Variants in SLC44A1 observed in about 807,000 individuals in gnomAD.
SLC44A1 encodes solute carrier family 44 member 1, also known as choline transporter-like protein 1.
A neutral mutation model predicts 79.3 loss-of-function variants in SLC44A1; 26 were observed. The ratio of observed to expected loss-of-function variants is 0.33; its 90% CI spans 0.24 to 0.46. The LOEUF is 0.46. Among genes scored for constraint, SLC44A1 ranks in the 20% least tolerant of loss-of-function variants. The pLI is 1.00. For missense variants in SLC44A1, 688 were observed against 798.1 expected (o/e 0.86, Z 1.66); for synonymous variants, 263 against 286.2 (o/e 0.92, Z 0.82).
rs149085855 is a variant in SLC44A1 at position 105,423,321 on chromosome 9, G to A, written c.1951-14960G>A. Among the ~76,000 whole-genome samples, 1,063 of 152,122 alleles carry A rather than the reference G, an allele frequency of 7.0e-3. 22 individuals are homozygous for A. Among genetic ancestry groups the A allele is most frequent in the Admixed American group, 0.058 (892 of 15,252 alleles). On this transcript the variant is annotated intron_variant, in intron 15 of 15. Coordinates refer to the SLC44A1 transcript ENST00000374724. ...TCTACTAAAAATACAAAAATTAGGC[G>A]GGTATGGTGGCACATGTCTGTAATC...
At position 105,395,899 on chromosome 9, in the gene SLC44A1, T is replaced by C. The variant is rs1828866324; in HGVS notation, c.*6843T>C. 3 of 173,338 alleles carry C rather than the reference T, an allele frequency of 1.7e-5. No individual in the cohort carries two copies. In the South Asian group the frequency reaches 5.5e-4, roughly 32 times the overall value. The allele number at this position is 173,338 out of a possible 1,614,324, so 10.7% of individuals were successfully genotyped here. On this transcript the variant is annotated 3_prime_UTR_variant, in exon 16 of 16. Transcript: ENST00000374720. ...ACCATGTTGATAATCCGGTGGTGAC[T>C]TTTTTTTTTTTTTTGTAAATTGTAT...
intron 1 of SLC44A1, among the ~76,000 whole-genome samples, chr9:105,290,875 A>G (rs911077331): frequency 1.3e-5 from 2 of 152,234 alleles, no homozygotes; most frequent in African/African-American, 4.8e-5. Context: ...GTATCTTTCC[A>G]CGCAGTGTAT....
chr9:105,357,950 T>G (rs945178866), intron 6 of SLC44A1, among the ~76,000 whole-genome samples: 5 of 152,216 alleles, frequency 3.3e-5, no homozygotes, highest in African/African-American at 1.2e-4. Flanking sequence ...TTAACTGATC[T>G]CTGTCTATGT....
At chr9:105,308,595 G>A (rs544444337) in intron 2 of SLC44A1, among the ~76,000 whole-genome samples, 2 of 152,268 alleles carry the variant, frequency 1.3e-5, no homozygotes, top group South Asian at 2.1e-4. Context: ...TTTTGGGTAA[G>A]TATATTTAAA....
At chr9:105,407,731 G>C (rs1010456849) in intron 15 of SLC44A1, among the ~76,000 whole-genome samples, 1 of 151,410 alleles carries the variant, frequency 6.6e-6, no homozygotes, top group African/African-American at 2.4e-5. Context: ...TTAGCTGGGC[G>C]TGATGGCACA....
chr9:105,389,594 T>C lies in SLC44A1; in HGVS notation c.*538T>C. The C allele has an allele frequency of 8.7e-7, 1 of 1,147,190 alleles. No homozygotes were observed. The highest frequency in any genetic ancestry group is 1.1e-6 in the Non-Finnish European group (1 of 934,242). 71.1% of individuals were successfully genotyped at this position (1,147,190 alleles called of 1,614,324 possible). A position where few individuals can be genotyped will look rare whatever the true frequency, so the allele number is the denominator to read the frequency against. ...TCCCCAATCAAAGAAGCCATGTCAT[T>C]TTACTTTTAGAAACATACAATTGGG... On this transcript the variant is annotated 3_prime_UTR_variant, in exon 16 of 16. Transcript: ENST00000374720.
chr9:105,396,006 C>A lies in SLC44A1; in HGVS notation c.*6950C>A. On this transcript the variant is annotated 3_prime_UTR_variant, in exon 16 of 16. Coordinates refer to ENST00000374720, the MANE Select transcript of SLC44A1 (RefSeq NM_080546.5). ...AAACAGGGACTATTAAGTAGATTTT[C>A]CCCCATCCTCTAGGTTCCTGTAGTC... 1.0e-6 allele frequency: 1 copy of A among 983,300 alleles called. No individual in the cohort carries two copies. Among genetic ancestry groups the A allele is most frequent in the Non-Finnish European group, 1.2e-6 (1 of 829,508 alleles). 60.9% of individuals were successfully genotyped at this position (983,300 alleles called of 1,614,324 possible). A position where few individuals can be genotyped will look rare whatever the true frequency, so the allele number is the denominator to read the frequency against.
chr9:105,309,459 A>G (rs779368528), intron 2 of SLC44A1, among the ~76,000 whole-genome samples: 45 of 152,128 alleles, frequency 3.0e-4, no homozygotes, highest in Non-Finnish European at 4.7e-4. Context: ...TATTATTACT[A>G]TTATTATTAT....
intron 15 of SLC44A1, among the ~76,000 whole-genome samples, chr9:105,421,868 T>A (rs112415607): frequency 0.041 from 6,213 of 152,272 alleles, 411 homozygotes; most frequent in African/African-American, 0.14. Context: ...ATTACAGGCG[T>A]GAGCCACCGC....
chr9:105,398,937 GA>G (rs1454717756), downstream of SLC44A1, among the ~76,000 whole-genome samples: 19 of 151,510 alleles, frequency 1.3e-4, no homozygotes, highest in Non-Finnish European at 2.5e-4. Context: ...GATAAGCTAA[GA>G]AAAAAAAATC....
intron 15 of SLC44A1, among the ~76,000 whole-genome samples, chr9:105,425,651 C>T (rs551523993): frequency 2.6e-5 from 4 of 152,136 alleles, no homozygotes; most frequent in South Asian, 2.1e-4. Flanking sequence ...GGTGAAACCC[C>T]GTCTCTACTA....
chr9:105,349,743 A>T (rs912027964), intron 5 of SLC44A1, among the ~76,000 whole-genome samples: 1 of 152,218 alleles, frequency 6.6e-6, no homozygotes, highest in African/African-American at 2.4e-5. Flanking sequence ...GTCTGTTTTA[A>T]ATATATTCTT....
At chr9:105,295,005 C>T (rs1830689199) in intron 1 of SLC44A1, among the ~76,000 whole-genome samples, 1 of 151,228 alleles carries the variant, frequency 6.6e-6, no homozygotes, top group Non-Finnish European at 1.5e-5. Context: ...GAAAGGCATT[C>T]TTCATCTTTG....
chr9:105,391,669 T>G lies in SLC44A1; in HGVS notation c.*2613T>G, dbSNP rs1415586800. The G allele has an allele frequency of 5.1e-6, 5 of 985,268 alleles. No homozygotes were observed. The highest frequency in any genetic ancestry group is 6.0e-6 in the Non-Finnish European group (5 of 829,910). The allele number at this position is 985,268 out of a possible 1,614,324, so 61.0% of individuals were successfully genotyped here. On this transcript the variant is annotated 3_prime_UTR_variant, in exon 16 of 16. Coordinates refer to ENST00000374720, the MANE Select transcript of SLC44A1 (RefSeq NM_080546.5). ...TGTTTGGATATTCCTGCTGCCTCTT[T>G]TCATTCATTTCAAGTCATTCTTCAG...
intron 15 of SLC44A1, among the ~76,000 whole-genome samples, chr9:105,407,681 C>A (rs546449163): frequency 9.9e-4 from 151 of 151,798 alleles, no homozygotes; most frequent in Admixed American, 8.5e-4. Flanking sequence ...ACCAGCCTGG[C>A]CAACATGAGG....
At chr9:105,313,689 A>G (rs1210120037) in intron 3 of SLC44A1, among the ~76,000 whole-genome samples, 1 of 152,128 alleles carries the variant, frequency 6.6e-6, no homozygotes, top group Non-Finnish European at 1.5e-5. Context: ...ATTGTCTACA[A>G]TCTTTAGGTC....
rs1475230267 is a variant in SLC44A1 at position 105,393,944 on chromosome 9, TCTCA to T, written c.*4891_*4894del. ...GTAATTTACAAATGTCTCAGAAATTTCTCACTTTTATTTGCTAAGACCTGAATTT... is the reference window on the plus strand; with the variant it reads ...GTAATTTACAAATGTCTCAGAAATTTCTTTTATTTGCTAAGACCTGAATTT... On this transcript the variant is annotated 3_prime_UTR_variant, in exon 16 of 16. Transcript: ENST00000374720. 1 of 984,114 alleles carries T rather than the reference TCTCA, an allele frequency of 1.0e-6. No individual in the cohort carries two copies. Among genetic ancestry groups the T allele is most frequent in the African/African-American group, 1.7e-5 (1 of 57,228 alleles). The allele number at this position is 984,114 out of a possible 1,614,324, so 61.0% of individuals were successfully genotyped here. A position where few individuals can be genotyped will look rare whatever the true frequency, so the allele number is the denominator to read the frequency against.
At position 105,393,617 on chromosome 9, in the gene SLC44A1, A is replaced by G. The variant is rs917982237; in HGVS notation, c.*4561A>G. On this transcript the variant is annotated 3_prime_UTR_variant, in exon 16 of 16. Transcript: ENST00000374720. ...TCTGTGGAAAACCTTTCTTTTCTAT[A>G]GAAATACTGTAGTGCCCTTTCTTCC... is the stretch of plus-strand genomic sequence containing the variant. 2 of 978,782 alleles carry G rather than the reference A, an allele frequency of 2.0e-6. No homozygotes were observed. Among genetic ancestry groups the G allele is most frequent in the Admixed American group, 1.2e-4 (2 of 16,252 alleles). 60.6% of individuals were successfully genotyped at this position (978,782 alleles called of 1,614,324 possible). A position where few individuals can be genotyped will look rare whatever the true frequency, so the allele number is the denominator to read the frequency against.
At chr9:105,290,707 T>G (rs895675386) in intron 1 of SLC44A1, among the ~76,000 whole-genome samples, 6 of 152,338 alleles carry the variant, frequency 3.9e-5, no homozygotes, top group African/African-American at 1.4e-4. Context: ...ATGAAGTCAT[T>G]GGCAATTTAT....
Sources: allele counts gnomAD v4.1 joint callset (sites outside exome capture counted in the v4.1 genomes callset), GRCh38; gene constraint gnomAD v4.1.1; transcripts MANE v1.5; gene names NCBI Gene and HGNC (gene_info 2026-07-23, HGNC 2026-07-21).